The following BMPR1B variants were observed in gnomAD, a reference collection of about 807,000 sequenced individuals.
BMPR1B encodes bone morphogenetic protein receptor type 1B, also known as bone morphogenetic protein receptor type-1B.
BMPR1B carries 12 observed loss-of-function variants against 59.1 expected under a neutral mutation model. The observed-to-expected ratio is 0.20, with a 90% CI of 0.13 to 0.33. The LOEUF is 0.33. Among genes scored for constraint, BMPR1B ranks in the 10% least tolerant of loss-of-function variants. The probability of loss-of-function intolerance (pLI) is 1.00; values close to 1 mark genes in which losing one functional copy is unlikely to be tolerated. For synonymous variants in BMPR1B, 237 were observed against 207.3 expected, an observed-to-expected ratio of 1.14 and a Z score of -1.23; for missense variants, 550 against 610.9, an observed-to-expected ratio of 0.90 and a Z score of 1.05.
chr4:95,133,951 G>A (rs764685422), intron 10 of BMPR1B, among the ~76,000 whole-genome samples: 16 of 151,706 alleles, frequency 1.1e-4, no homozygotes, highest in African/African-American at 2.9e-4. Context: ...ATATGTATAC[G>A]TGTGCCATGT....
At chr4:95,148,662 A>G in intron 10 of BMPR1B, 86 bp from the exon 11 acceptor site, 1 of 1,391,156 alleles carries the variant, frequency 7.2e-7, no homozygotes, top group Non-Finnish European at 1.0e-6. Flanking sequence ...CTTTTCACTA[A>G]CTAAAGCCAT....
chr4:94,856,341 T>C (rs916877), intron 1 of BMPR1B, among the ~76,000 whole-genome samples: 92,114 of 151,584 alleles, frequency 0.61, 28,840 homozygotes, highest in African/African-American at 0.76. Context: ...TCCTGTTCCA[T>C]ATGTCTCTAT....
intron 3 of BMPR1B, among the ~76,000 whole-genome samples, chr4:95,011,621 CT>C (rs1262317805): frequency 1.3e-5 from 2 of 152,168 alleles, no homozygotes; most frequent in Non-Finnish European, 2.9e-5. Context: ...TGTCCGCCCT[CT>C]GGTTACATTT....
At chr4:94,845,906 A>T (rs1360667315) in intron 1 of BMPR1B, among the ~76,000 whole-genome samples, 1 of 152,204 alleles carries the variant, frequency 6.6e-6, no homozygotes, top group Non-Finnish European at 1.5e-5. Flanking sequence ...AGGAATTTGG[A>T]AGAATTATTT....
chr4:95,047,493 C>T (rs564572020), intron 3 of BMPR1B, among the ~76,000 whole-genome samples: 3 of 152,250 alleles, frequency 2.0e-5, no homozygotes, highest in South Asian at 4.2e-4. Flanking sequence ...GTGCCATTCT[C>T]ATCATATCAG....
chr4:94,893,176 CATGAA>C (rs1727464063), intron 2 of BMPR1B, among the ~76,000 whole-genome samples: 1 of 151,708 alleles, frequency 6.6e-6, no homozygotes, highest in Admixed American at 6.6e-5. Context: ...GAATATAAAA[CATGAA>C]AAGATTAAAA....
intron 3 of BMPR1B, among the ~76,000 whole-genome samples, chr4:95,027,153 G>A (rs1420616909): frequency 6.6e-6 from 1 of 152,104 alleles, no homozygotes; most frequent in Non-Finnish European, 1.5e-5. Context: ...AAATAGTACT[G>A]TTTAAGGGTC....
chr4:95,098,662 G>T (rs1730601255), intron 3 of BMPR1B, among the ~76,000 whole-genome samples: 1 of 151,750 alleles, frequency 6.6e-6, no homozygotes, highest in Non-Finnish European at 1.5e-5. Flanking sequence ...GGTTCATTCT[G>T]CTGCTGCTTC....
In BMPR1B at chr4:94,907,177, G is replaced by A. The variant is rs1560541246; in HGVS notation, c.-113+31277G>A. ...AATTTTGGAGGTGGTAGCTGGATAAGTGCATCGTGGAAAAGCTTCTCAGTG... is the reference window on the plus strand; with the variant it reads ...AATTTTGGAGGTGGTAGCTGGATAAATGCATCGTGGAAAAGCTTCTCAGTG... On this transcript the variant is annotated intron_variant, in intron 2 of 12. Coordinates refer to ENST00000515059, the MANE Select transcript of BMPR1B (RefSeq NM_001203.3). Among the ~76,000 whole-genome samples the A allele has an allele frequency of 2.6e-5, 4 of 152,098 alleles. No individual in the cohort carries two copies. In the South Asian group the frequency reaches 8.3e-4, roughly 31 times the overall value.
intron 8 of BMPR1B, among the ~76,000 whole-genome samples, chr4:95,125,483 T>C (rs1732842350): frequency 2.0e-5 from 3 of 152,292 alleles, no homozygotes; most frequent in South Asian, 4.1e-4. Context: ...CTTCTCAGTA[T>C]TTCTACAAAG....
At chr4:94,927,189 G>A (rs1301854484) in intron 2 of BMPR1B, among the ~76,000 whole-genome samples, 1 of 152,072 alleles carries the variant, frequency 6.6e-6, no homozygotes, top group East Asian at 1.9e-4. Context: ...AATTGATTTG[G>A]CTTCAAACTC....
intron 2 of BMPR1B, among the ~76,000 whole-genome samples, chr4:94,876,388 C>T (rs1726732979): frequency 6.6e-6 from 1 of 152,124 alleles, no homozygotes; most frequent in Admixed American, 6.6e-5. Context: ...CTTCAGAGGC[C>T]CTACCTCTGA....
intron 1 of BMPR1B, among the ~76,000 whole-genome samples, chr4:94,824,810 A>C (rs1578685373): frequency 6.6e-6 from 1 of 152,322 alleles, no homozygotes; most frequent in Middle Eastern, 3.4e-3. Flanking sequence ...TTATAAAATA[A>C]AAATGTAATG....
intron 2 of BMPR1B, among the ~76,000 whole-genome samples, chr4:94,921,488 A>G (rs1050584082): frequency 3.9e-5 from 6 of 152,086 alleles, no homozygotes; most frequent in Non-Finnish European, 7.4e-5. Context: ...CTGTGGTGGA[A>G]GGCAAAGTGG....
chr4:95,103,476 G>A, intron 3 of BMPR1B: 4 of 985,298 alleles, frequency 4.1e-6, no homozygotes, highest in Non-Finnish European at 4.8e-6. Context: ...CAGTTACATG[G>A]CATGTATAAG....
At chr4:95,025,852 A>G (rs1292949682) in intron 3 of BMPR1B, among the ~76,000 whole-genome samples, 3 of 152,240 alleles carry the variant, frequency 2.0e-5, no homozygotes, top group Admixed American at 6.5e-5. Flanking sequence ...ATCAAGATAA[A>G]GAACATTGTT....
chr4:94,770,182 G>GTTTTTTTTTT lies in BMPR1B; in HGVS notation c.-183+12117_-183+12118insTTTTTTTTTT, dbSNP rs1215939344. ...TGTTTGAATTGTCCTTCGTTTCTGT[G>GTTTTTTTTTT]TTTGTTTTTTTTTTTTTTTTTTGCG... On this transcript the variant is annotated intron_variant, in intron 1 of 12. Transcript: ENST00000515059. Among the ~76,000 whole-genome samples, 115 of 39,914 alleles carry GTTTTTTTTTT rather than the reference G, an allele frequency of 2.9e-3. 5 individuals are homozygous for GTTTTTTTTTT. The highest frequency in any genetic ancestry group is 7.0e-3 in the South Asian group (9 of 1,282). The allele number at this position is 39,914 out of a possible 152,430, so 26.2% of individuals were successfully genotyped here.
At chr4:94,882,978 A>ATG (rs112253431) in intron 2 of BMPR1B, among the ~76,000 whole-genome samples, 12,816 of 144,254 alleles carry the variant, frequency 0.089, 920 homozygotes, top group African/African-American at 0.21. Context: ...GTGTGTGTGT[A>ATG]TGTGTGTGTG....
At chr4:94,953,995 A>G (rs976340850) in intron 2 of BMPR1B, among the ~76,000 whole-genome samples, 1 of 151,384 alleles carries the variant, frequency 6.6e-6, no homozygotes, top group Admixed American at 6.6e-5. Flanking sequence ...TTGTCTTCAC[A>G]CTTTATTTTA....
Sources: allele counts gnomAD v4.1 joint callset (sites outside exome capture counted in the v4.1 genomes callset), GRCh38; gene constraint gnomAD v4.1.1; transcripts MANE v1.5; gene names NCBI Gene and HGNC (gene_info 2026-07-23, HGNC 2026-07-21).